Variants in MICAL3 observed in about 807,000 individuals in gnomAD.
MICAL3 encodes the protein [F-actin]-monooxygenase MICAL3.
Under a neutral mutation model 207.4 loss-of-function variants are expected in MICAL3, and 62 were observed. The ratio of observed to expected loss-of-function variants is 0.30; its 90% CI spans 0.24 to 0.37. MICAL3 has a LOEUF of 0.37. MICAL3 is among the 10% of genes least tolerant of loss of function. MICAL3 has a pLI of 1.00. For missense variants in MICAL3, 2,368 were observed against 2,635.6 expected, an observed-to-expected ratio of 0.90 and a Z score of 2.22; for synonymous variants, 1,077 against 1,069.3, an observed-to-expected ratio of 1.01 and a Z score of -0.14.
chr22:17,949,722 C>T (rs1934241037), intron 1 of MICAL3, among the ~76,000 whole-genome samples: 1 of 152,208 alleles, frequency 6.6e-6, no homozygotes. Context: ...TCAGGTGCTA[C>T]AAAGGGGTCC....
In MICAL3 at chr22:17,817,645, G is replaced by A. The variant is rs1171592582; in HGVS notation, c.5016C>T (p.Val1672=). 6.2e-7 allele frequency: 1 copy of A among 1,612,714 alleles called. No individual in the cohort carries two copies. The highest frequency in any genetic ancestry group is 8.5e-7 in the Non-Finnish European group (1 of 1,179,788). Residue 1672 remains valine, a synonymous_variant, in exon 26 of 32, where the codon GTC becomes GTT. Coordinates refer to ENST00000441493, the MANE Select transcript of MICAL3 (RefSeq NM_015241.3). ...TLKHEATSEE[V]LSPPSDSGGP... is the part of the protein sequence containing the mutation. ...CCCCTGAGTCCGACGGCGGGGAGAG[G>A]ACCTCCTCGCTGGTGGCTTCATGCT...
At chr22:17,791,170 A>G (rs1279816401) in intron 30 of MICAL3, 32 bp downstream of exon 30, 1 of 1,610,408 alleles carries the variant, frequency 6.2e-7, no homozygotes, top group Non-Finnish European at 8.5e-7. Flanking sequence ...TGACAAGCAT[A>G]GCGCTGACGC....
intron 20 of MICAL3, among the ~76,000 whole-genome samples, chr22:17,836,672 T>A (rs1258571605): frequency 7.0e-6 from 1 of 142,990 alleles, no homozygotes; most frequent in African/African-American, 2.7e-5. Flanking sequence ...TGAGATGGAG[T>A]CTTGCTCTGT....
intron 12 of MICAL3, among the ~76,000 whole-genome samples, chr22:17,890,812 G>C (rs1367104698): frequency 6.6e-6 from 1 of 152,194 alleles, no homozygotes; most frequent in Non-Finnish European, 1.5e-5. Context: ...GGCTTCCGTG[G>C]TAACAAATGC....
Position 17,902,041 on chromosome 22 carries a change from T to A in MICAL3, c.590-62A>T. 8.4e-7 allele frequency: 1 copy of A among 1,184,486 alleles called. No individual in the cohort carries two copies. Among genetic ancestry groups the A allele is most frequent in the Non-Finnish European group, 1.2e-6 (1 of 817,190 alleles). The allele number at this position is 1,184,486 out of a possible 1,614,324, so 73.4% of individuals were successfully genotyped here. A position where few individuals can be genotyped will look rare whatever the true frequency, so the allele number is the denominator to read the frequency against. On this transcript the variant is annotated intron_variant, in intron 4 of 31. Coordinates refer to ENST00000441493, the MANE Select transcript of MICAL3 (RefSeq NM_015241.3). This position sits in a 1 kb window ranked among gnomAD's most constrained non-coding sequence, Gnocchi z 4.5. ...CAGACCACATTCACAGCCAGGACCA[T>A]CTCTAGATACCCAGTCATGTGAACT...
intron 19 of MICAL3, among the ~76,000 whole-genome samples, chr22:17,848,550 T>C (rs1313520093): frequency 6.6e-6 from 1 of 152,196 alleles, no homozygotes; most frequent in Non-Finnish European, 1.5e-5. Context: ...TTCACTCCTA[T>C]CTTGCTTTGA....
At chr22:17,908,464 C>T (rs540074736) in intron 1 of MICAL3, among the ~76,000 whole-genome samples, 4 of 152,130 alleles carry the variant, frequency 2.6e-5, no homozygotes, top group Admixed American at 6.5e-5. Flanking sequence ...CCCGCCACCA[C>T]GCCCGGCTAA....
chr22:17,991,167 G>A (rs962527484), intron 1 of MICAL3, among the ~76,000 whole-genome samples: 5 of 152,216 alleles, frequency 3.3e-5, no homozygotes. Context: ...CTAGATCCAT[G>A]TGCCGCACCA....
intron 21 of MICAL3, 39 bp downstream of exon 21, chr22:17,831,815 G>A: frequency 6.5e-7 from 1 of 1,538,528 alleles, no homozygotes; most frequent in African/African-American, 1.4e-5. Context: ...ATCACTTTGG[G>A]GGGCAGGGCA....
At chr22:18,008,362 A>G (rs1923534573) in intron 1 of MICAL3, among the ~76,000 whole-genome samples, 5 of 152,376 alleles carry the variant, frequency 3.3e-5, no homozygotes, top group East Asian at 1.9e-4. Flanking sequence ...GCTTTAAGCA[A>G]TCTCCAGGGA....
Position 17,904,822 on chromosome 22 carries a change from A to G in MICAL3, c.282T>C (p.Ala94=). ...TGGCTGTACGGAGACCACAGGGGCC[A>G]GCCCCAATGATGAGACACTGAAAAA... ...CTNTKCLIIG[A]GPCGLRTAID... is the part of the protein sequence containing the mutation. Residue 94 remains alanine (A), a synonymous_variant, in exon 3 of 32, where the codon GCT becomes GCC. Coordinates refer to ENST00000441493, the MANE Select transcript of MICAL3 (RefSeq NM_015241.3). 6.2e-7 allele frequency: 1 copy of G among 1,613,836 alleles called. No individual in the cohort carries two copies.
chr22:17,853,386 C>T lies in MICAL3; in HGVS notation c.2606-11369G>A, dbSNP rs547105294. ...TCTGTTGGCTGAAGATATATCTCAA[C>T]GGGCCACCTTGTCCTAACCCCACAG... On this transcript the variant is annotated intron_variant, in intron 19 of 31. Coordinates refer to ENST00000441493, the MANE Select transcript of MICAL3 (RefSeq NM_015241.3). 7.9e-5 allele frequency among the ~76,000 whole-genome samples: 12 copies of T among 152,332 alleles called. No homozygotes were observed. In the East Asian group the frequency reaches 1.9e-3, roughly 24 times the overall value.
Position 17,789,797 on chromosome 22 carries a change from T to A in MICAL3, c.*935A>T, listed in dbSNP as rs2061811027. 6.6e-6 allele frequency: 1 copy of A among 152,270 alleles called. No individual in the cohort carries two copies. The highest frequency in any genetic ancestry group is 6.5e-5 in the Admixed American group (1 of 15,288). The allele number at this position is 152,270 out of a possible 1,614,324, so 9.4% of individuals were successfully genotyped here. On this transcript the variant is annotated 3_prime_UTR_variant, in exon 32 of 32. Coordinates refer to ENST00000441493, the MANE Select transcript of MICAL3 (RefSeq NM_015241.3). ...TCTAGTAAAGATACACAAACGAAGT[T>A]ACTTCTTTTCAAGTATTAAAAAATA...
intron 1 of MICAL3, among the ~76,000 whole-genome samples, chr22:17,914,044 G>C (rs972871464): frequency 6.6e-6 from 1 of 152,194 alleles, no homozygotes; most frequent in Non-Finnish European, 1.5e-5. Context: ...ATCAGTGCCA[G>C]GAACAGAGCA....
At chr22:17,863,310 G>T in intron 19 of MICAL3, 1 of 985,368 alleles carries the variant, frequency 1.0e-6, no homozygotes, top group Non-Finnish European at 1.2e-6. Context: ...GAGTAGTCAG[G>T]TTCCTCAGAA....
intron 24 of MICAL3, 37 bp downstream of exon 24, chr22:17,821,993 T>C: frequency 6.2e-7 from 1 of 1,608,544 alleles, no homozygotes; most frequent in Non-Finnish European, 8.5e-7. Context: ...CTCGTAGGAA[T>C]TCTGAAAGTT....
intron 1 of MICAL3, among the ~76,000 whole-genome samples, chr22:18,010,548 G>C (rs568439733): frequency 6.6e-6 from 1 of 152,154 alleles, no homozygotes; most frequent in Non-Finnish European, 1.5e-5. Context: ...TATAGAGGAG[G>C]GGGTATTTGA....
At chr22:17,956,541 T>C (rs1473943277) in intron 1 of MICAL3, among the ~76,000 whole-genome samples, 1 of 152,130 alleles carries the variant, frequency 6.6e-6, no homozygotes, top group Admixed American at 6.5e-5. Flanking sequence ...TGGTGGTGCA[T>C]GCCTGTAGTC....
Position 17,902,051 on chromosome 22 carries a change from C to A in MICAL3, c.590-72G>T, listed in dbSNP as rs1931364708. On this transcript the variant is annotated intron_variant, in intron 4 of 31. Coordinates refer to ENST00000441493, the MANE Select transcript of MICAL3 (RefSeq NM_015241.3). The surrounding 1 kb of genome is among the most constrained non-coding windows in gnomAD (Gnocchi z 4.5). ...TCACAGCCAGGACCATCTCTAGATA[C>A]CCAGTCATGTGAACTGCACAAAACC... is the stretch of plus-strand genomic sequence containing the variant. 1.2e-5 allele frequency: 13 copies of A among 1,085,176 alleles called. No individual in the cohort carries two copies. In the South Asian group the frequency reaches 1.8e-4, roughly 15 times the overall value. The allele number at this position is 1,085,176 out of a possible 1,614,324, so 67.2% of individuals were successfully genotyped here.
Sources: gnomAD v4.1 joint callset for allele counts (sites outside exome capture counted in the v4.1 genomes callset) on GRCh38, gnomAD v4.1.1 for gene constraint, Gnocchi (gnomAD v3.1) non-coding constraint, MANE v1.5 for transcripts, NCBI Gene and HGNC (gene_info 2026-07-23, HGNC 2026-07-21) for gene names.